The following WDFY3 variants were observed in gnomAD, a reference collection of about 807,000 sequenced individuals.
WDFY3 encodes the protein WD repeat and FYVE domain-containing protein 3.
In WDFY3, 66 loss-of-function variants were observed where a neutral mutation model predicts 409.6. The ratio of observed to expected loss-of-function variants is 0.16; its 90% confidence interval spans 0.13 to 0.20. The LOEUF (loss-of-function observed/expected upper bound fraction) is 0.20, where lower values mean the gene tolerates loss of function less well. WDFY3 is among the 10% of genes least tolerant of loss of function. The pLI, the probability that WDFY3 is intolerant of heterozygous loss-of-function variation, is 1.00. For synonymous variants in WDFY3, 1,521 were observed against 1,537.1 expected (o/e 0.99, Z 0.25); for missense variants, 3,031 against 4,298.1 (o/e 0.71, Z 8.24).
At chr4:84,962,970 G>A (rs758567737) in intron 1 of WDFY3, among the ~76,000 whole-genome samples, 22 of 151,514 alleles carry the variant, frequency 1.5e-4, no homozygotes, top group South Asian at 4.2e-4. Flanking sequence ...CACCATGCCC[G>A]GTCGCCATTT....
At chr4:84,755,633 A>G (rs777364582) in intron 33 of WDFY3, among the ~76,000 whole-genome samples, 1 of 152,216 alleles carries the variant, frequency 6.6e-6, no homozygotes, top group Non-Finnish European at 1.5e-5. Context: ...TTAGGTACCT[A>G]TGTTAAAAAC....
At chr4:84,767,539 T>G (rs932726021) in intron 30 of WDFY3, among the ~76,000 whole-genome samples, 1 of 152,104 alleles carries the variant, frequency 6.6e-6, no homozygotes, top group South Asian at 2.1e-4. Context: ...TGGCCTCTTG[T>G]GCTAAAAAGT....
intron 47 of WDFY3, among the ~76,000 whole-genome samples, chr4:84,720,845 G>A (rs1177592849): frequency 6.6e-6 from 1 of 152,068 alleles, no homozygotes; most frequent in African/African-American, 2.4e-5. Context: ...AACACAACAT[G>A]GTGGGTGTAA....
rs1770866579 is a variant in WDFY3, at chr4:84,932,331, T to C, written c.-193A>G. On this transcript the variant is annotated 5_prime_UTR_variant, in exon 2 of 68. Coordinates refer to ENST00000295888, the MANE Select transcript of WDFY3 (RefSeq NM_014991.6). ...GAAATGATAAGAATGGCAGGCACTTTCTTCCTGAAGCAGACGTGGAGAAGT... is the reference window on the plus strand; with the variant it reads ...GAAATGATAAGAATGGCAGGCACTTCCTTCCTGAAGCAGACGTGGAGAAGT... 1 of 152,148 alleles carries C rather than the reference T, an allele frequency of 6.6e-6. No individual in the cohort carries two copies. Among genetic ancestry groups the C allele is most frequent in the Non-Finnish European group, 1.5e-5 (1 of 68,030 alleles). The allele number at this position is 152,148 out of a possible 1,614,324, so 9.4% of individuals were successfully genotyped here. A position where few individuals can be genotyped will look rare whatever the true frequency, so the allele number is the denominator to read the frequency against.
chr4:84,953,025 AC>A (rs1773800197), intron 1 of WDFY3, among the ~76,000 whole-genome samples: 5 of 152,144 alleles, frequency 3.3e-5, no homozygotes, highest in Admixed American at 2.0e-4. Context: ...TATGGAAACA[AC>A]CTTGGTATCC....
At chr4:84,742,107 T>G (rs1490188038) in intron 37 of WDFY3, among the ~76,000 whole-genome samples, 186 bp from the exon 38 acceptor site, 1 of 152,196 alleles carries the variant, frequency 6.6e-6, no homozygotes, top group Non-Finnish European at 1.5e-5. Flanking sequence ...GATAAATAAT[T>G]TCAGCAGGAT....
intron 10 of WDFY3, among the ~76,000 whole-genome samples, chr4:84,823,983 C>A (rs1447932912): frequency 6.6e-6 from 1 of 152,134 alleles, no homozygotes; most frequent in Non-Finnish European, 1.5e-5. Flanking sequence ...TAAATGTCCA[C>A]TGTAGCTTTA....
At chr4:84,913,921 T>C (rs2150771505) in intron 2 of WDFY3, among the ~76,000 whole-genome samples, 1 of 152,188 alleles carries the variant, frequency 6.6e-6, no homozygotes, top group Non-Finnish European at 1.5e-5. Flanking sequence ...CTCTTCCTCC[T>C]CAGCCTACTC....
chr4:84,898,275 A>G (rs994442046), intron 2 of WDFY3, among the ~76,000 whole-genome samples: 1 of 152,216 alleles, frequency 6.6e-6, no homozygotes, highest in Admixed American at 6.5e-5. Context: ...ATGAAGCCCC[A>G]AAACTTCATA....
At chr4:84,852,112 T>G (rs1288803531) in intron 4 of WDFY3, among the ~76,000 whole-genome samples, 2 of 152,170 alleles carry the variant, frequency 1.3e-5, no homozygotes, top group Admixed American at 6.5e-5. Context: ...CCATAACTTT[T>G]GCACTTTGGG....
chr4:84,912,663 A>G (rs950866309), intron 2 of WDFY3, among the ~76,000 whole-genome samples: 2 of 152,190 alleles, frequency 1.3e-5, no homozygotes, highest in Non-Finnish European at 2.9e-5. Flanking sequence ...GCAACAGACA[A>G]GTTCCCAGAC....
At chr4:84,902,081 T>C (rs932123972) in intron 2 of WDFY3, among the ~76,000 whole-genome samples, 1 of 152,226 alleles carries the variant, frequency 6.6e-6, no homozygotes, top group Non-Finnish European at 1.5e-5. Flanking sequence ...CTCACTCTGC[T>C]GCTCTCAAAG....
At chr4:84,787,227 A>G (rs1747714907) in intron 23 of WDFY3, among the ~76,000 whole-genome samples, 1 of 152,212 alleles carries the variant, frequency 6.6e-6, no homozygotes, top group African/African-American at 2.4e-5. Flanking sequence ...CCTAGAGGGC[A>G]TATACCTATA....
chr4:84,832,082 A>G lies in WDFY3; in HGVS notation c.577-477T>C, dbSNP rs147134343. Among the ~76,000 whole-genome samples, 21 of 152,296 alleles carry G rather than the reference A, an allele frequency of 1.4e-4. No individual in the cohort carries two copies. In the East Asian group the frequency reaches 3.9e-3, roughly 28 times the overall value. On this transcript the variant is annotated intron_variant, in intron 7 of 67. Transcript: ENST00000295888. ...CTATTCCCAATAGCCAAAATTTAGA[A>G]TCAACCTAAGTATCCAACAGATGAA... is the stretch of plus-strand genomic sequence containing the variant.
At chr4:84,763,907 A>G (rs1472816471) in intron 32 of WDFY3, among the ~76,000 whole-genome samples, 2 of 152,224 alleles carry the variant, frequency 1.3e-5, no homozygotes, top group Non-Finnish European at 2.9e-5. Flanking sequence ...CAGGACAGAA[A>G]AAGCACAGGA....
intron 10 of WDFY3, among the ~76,000 whole-genome samples, 187 bp downstream of exon 10, chr4:84,826,628 T>C (rs1754903205): frequency 6.6e-6 from 1 of 152,116 alleles, no homozygotes; most frequent in South Asian, 2.1e-4. Context: ...TTTTCAAGTA[T>C]TTGATCTGCT....
intron 1 of WDFY3, among the ~76,000 whole-genome samples, chr4:84,957,290 A>T (rs1024015712): frequency 6.6e-6 from 1 of 151,720 alleles, no homozygotes; most frequent in Non-Finnish European, 1.5e-5. Context: ...ACTACAAGGC[A>T]TATCATAATG....
At chr4:84,953,363 T>C (rs752387802) in intron 1 of WDFY3, among the ~76,000 whole-genome samples, 2 of 152,026 alleles carry the variant, frequency 1.3e-5, no homozygotes, top group East Asian at 1.9e-4. Context: ...AATCTAAAGA[T>C]CTCATTAACT....
intron 2 of WDFY3, among the ~76,000 whole-genome samples, chr4:84,904,889 A>G (rs1766822697): frequency 6.6e-6 from 1 of 152,256 alleles, no homozygotes; most frequent in South Asian, 2.1e-4. Flanking sequence ...CTGTAATCCC[A>G]GCACTTTGGG....
Sources: allele counts gnomAD v4.1 joint callset (sites outside exome capture counted in the v4.1 genomes callset), GRCh38; gene constraint gnomAD v4.1.1; transcripts MANE v1.5; gene names NCBI Gene and HGNC (gene_info 2026-07-23, HGNC 2026-07-21).